The following IGSF11 variants were observed in gnomAD, a reference collection of about 807,000 sequenced individuals.
IGSF11 encodes the protein immunoglobulin superfamily member 11.
IGSF11 carries 22 observed loss-of-function variants against 41.0 expected under a neutral mutation model. The ratio of observed to expected loss-of-function variants is 0.54; its 90% confidence interval spans 0.38 to 0.77. The LOEUF (loss-of-function observed/expected upper bound fraction) is 0.77. Ranked by LOEUF, IGSF11 falls within the 30% of genes least tolerant of loss-of-function variation. The probability of loss-of-function intolerance (pLI) is 0.00; values close to 1 mark genes in which losing one functional copy is unlikely to be tolerated. For missense variants in IGSF11, 444 were observed against 530.8 expected, an observed-to-expected ratio of 0.84 and a Z score of 1.61; for synonymous variants, 219 against 201.3, an observed-to-expected ratio of 1.09 and a Z score of -0.74.
At chr3:118,998,958 C>T (rs903505381) in intron 1 of IGSF11, among the ~76,000 whole-genome samples, 14 of 151,994 alleles carry the variant, frequency 9.2e-5, no homozygotes, top group Non-Finnish European at 1.9e-4. Flanking sequence ...AGTTATGTTA[C>T]ATCCATACAA....
At chr3:119,047,637 C>A (rs1335845726) in intron 1 of IGSF11, among the ~76,000 whole-genome samples, 4 of 152,068 alleles carry the variant, frequency 2.6e-5, no homozygotes, top group African/African-American at 4.8e-5. Context: ...CAGCTCTGCA[C>A]CAAGAGGACG....
chr3:119,056,419 C>T (rs1419066411), intron 1 of IGSF11, among the ~76,000 whole-genome samples: 8 of 152,016 alleles, frequency 5.3e-5, no homozygotes, highest in Non-Finnish European at 1.2e-4. Flanking sequence ...AAGACTAAAC[C>T]AGGAAGAAGT....
intron 1 of IGSF11, among the ~76,000 whole-genome samples, chr3:119,071,433 C>G (rs976715105): frequency 2.0e-5 from 3 of 152,004 alleles, no homozygotes; most frequent in Non-Finnish European, 2.9e-5. Context: ...ACCTCTTATC[C>G]CTTCTAAAAA....
At chr3:119,142,099 C>G (rs926878718) in intron 1 of IGSF11, among the ~76,000 whole-genome samples, 1 of 151,972 alleles carries the variant, frequency 6.6e-6, no homozygotes, top group African/African-American at 2.4e-5. Context: ...CACGGTGAAA[C>G]CCCCTCTCTA....
intron 1 of IGSF11, among the ~76,000 whole-genome samples, chr3:118,948,935 G>A (rs139391006): frequency 0.054 from 7,879 of 146,766 alleles, 329 homozygotes; most frequent in Admixed American, 0.15. Flanking sequence ...TCGCGCCACT[G>A]CCCTCCAGCC....
At chr3:119,136,737 T>C (rs960686360) in intron 1 of IGSF11, among the ~76,000 whole-genome samples, 1 of 152,156 alleles carries the variant, frequency 6.6e-6, no homozygotes, top group Admixed American at 6.6e-5. Context: ...CACCCCGCTT[T>C]CAGCATTGGA....
chr3:118,976,404 C>A (rs1395526081), intron 1 of IGSF11, among the ~76,000 whole-genome samples: 1 of 152,162 alleles, frequency 6.6e-6, no homozygotes, highest in Non-Finnish European at 1.5e-5. Context: ...TCAAATAGCA[C>A]CTTGTACATA....
At chr3:119,084,914 C>T (rs1277356446) in intron 1 of IGSF11, among the ~76,000 whole-genome samples, 5 of 152,302 alleles carry the variant, frequency 3.3e-5, no homozygotes, top group African/African-American at 1.2e-4. Context: ...GGGGAGGAGC[C>T]CACATTCTCA....
intron 1 of IGSF11, among the ~76,000 whole-genome samples, chr3:118,989,340 T>C (rs1219060339): frequency 1.4e-5 from 2 of 142,682 alleles, no homozygotes; most frequent in East Asian, 2.1e-4. Flanking sequence ...AGTAAATATA[T>C]AGAAAACCTT....
At chr3:119,013,201 G>A (rs1011619714) in intron 1 of IGSF11, 11 of 152,238 alleles carry the variant, frequency 7.2e-5, no homozygotes, top group Admixed American at 5.2e-4. Context: ...CAGAAGTTCA[G>A]CAAGTCCATC....
chr3:118,933,838 G>C (rs546046677), intron 1 of IGSF11, among the ~76,000 whole-genome samples: 11 of 152,068 alleles, frequency 7.2e-5, no homozygotes, highest in Admixed American at 7.2e-4. Flanking sequence ...CTCAATCTGC[G>C]AATCAGTTTC....
At chr3:118,912,498 A>G (rs937237854) in intron 4 of IGSF11, among the ~76,000 whole-genome samples, 2 of 152,176 alleles carry the variant, frequency 1.3e-5, no homozygotes, top group Non-Finnish European at 2.9e-5. Context: ...TACAGGGCCC[A>G]GCCGCCCGAC....
intron 6 of IGSF11, among the ~76,000 whole-genome samples, chr3:118,904,169 T>A (rs1486697391): frequency 6.6e-6 from 1 of 152,212 alleles, no homozygotes; most frequent in African/African-American, 2.4e-5. Flanking sequence ...TCACTTTTCT[T>A]TAAAGATGAT....
At chr3:119,049,786 G>A (rs921466180) in intron 1 of IGSF11, among the ~76,000 whole-genome samples, 1 of 150,574 alleles carries the variant, frequency 6.6e-6, no homozygotes, top group African/African-American at 2.4e-5. Context: ...GCATGTTACT[G>A]GTACCAAAAC....
chr3:118,914,341 G>A (rs1017177927), intron 4 of IGSF11, among the ~76,000 whole-genome samples: 52 of 151,970 alleles, frequency 3.4e-4, no homozygotes, highest in African/African-American at 1.0e-3. Context: ...TCCATCTGAG[G>A]TACCGGGTTC....
chr3:119,048,105 A>C (rs1356333859), intron 1 of IGSF11, among the ~76,000 whole-genome samples: 1 of 151,942 alleles, frequency 6.6e-6, no homozygotes, highest in Non-Finnish European at 1.5e-5. Context: ...AGCAAGAGCA[A>C]ACACATTCAA....
intron 1 of IGSF11, among the ~76,000 whole-genome samples, chr3:119,098,002 C>T (rs1050131857): frequency 9.5e-5 from 9 of 94,426 alleles, no homozygotes; most frequent in Non-Finnish European, 2.1e-4. Flanking sequence ...CAGGGTCTTG[C>T]CATGTTGCCC....
At position 119,029,278 on chromosome 3, in the gene IGSF11, G is replaced by A. The variant is rs984681023; in HGVS notation, c.52+5253C>T. Among the ~76,000 whole-genome samples the A allele has an allele frequency of 6.1e-4, 66 of 108,312 alleles. 1 individual carries two copies. Among genetic ancestry groups the A allele is most frequent in the African/African-American group, 1.6e-3 (55 of 34,600 alleles). 71.1% of individuals were successfully genotyped at this position (108,312 alleles called of 152,430 possible). On this transcript the variant is annotated intron_variant, in intron 1 of 6. Coordinates refer to ENST00000393775, the MANE Select transcript of IGSF11 (RefSeq NM_001015887.3). Reference sequence around the variant, plus strand: ...CACACACACACACACACACACACCCGAGAGAGAGAGAGAATGCGAGAGAGA... The same window carrying A: ...CACACACACACACACACACACACCCAAGAGAGAGAGAGAATGCGAGAGAGA...
intron 1 of IGSF11, among the ~76,000 whole-genome samples, chr3:118,997,408 G>T (rs186437546): frequency 6.6e-6 from 1 of 152,256 alleles, no homozygotes; most frequent in East Asian, 1.9e-4. Flanking sequence ...GCATTTCAAG[G>T]ACCACAGAAA....
Sources: allele counts gnomAD v4.1 joint callset (sites outside exome capture counted in the v4.1 genomes callset), GRCh38; gene constraint gnomAD v4.1.1; transcripts MANE v1.5; gene names NCBI Gene and HGNC (gene_info 2026-07-23, HGNC 2026-07-21).